Variants in CNGB3 observed in about 807,000 individuals in gnomAD.
CNGB3 encodes cyclic nucleotide gated channel subunit beta 3.
In CNGB3, 86 loss-of-function variants were observed where a neutral mutation model predicts 92.8. That is an observed-to-expected ratio of 0.93 (90% confidence interval 0.78 to 1.11). The LOEUF (loss-of-function observed/expected upper bound fraction) is 1.11, where lower values mean the gene tolerates loss of function less well. Among genes scored for constraint, CNGB3 ranks in the 50% least tolerant of loss-of-function variants. The probability of loss-of-function intolerance (pLI) is 0.00; values close to 1 mark genes in which losing one functional copy is unlikely to be tolerated. For missense variants in CNGB3, 1,026 were observed against 956.8 expected (o/e 1.07, Z -0.95); for synonymous variants, 333 against 332.7 (o/e 1.00, Z -0.01).
chr8:86,663,965 AT>A (rs1190099390), intron 6 of CNGB3, among the ~76,000 whole-genome samples: 1 of 152,060 alleles, frequency 6.6e-6, no homozygotes, highest in African/African-American at 2.4e-5. Flanking sequence ...TGATTTTGTC[AT>A]TTTCCATTTG....
At chr8:86,725,246 C>G (rs1003441034) in intron 3 of CNGB3, among the ~76,000 whole-genome samples, 24 of 152,082 alleles carry the variant, frequency 1.6e-4, no homozygotes, top group Admixed American at 8.5e-4. Context: ...TAAAAGTTCT[C>G]TTTGGGAATT....
At chr8:86,618,442 G>T (rs553842950) in intron 13 of CNGB3, among the ~76,000 whole-genome samples, 1 of 152,196 alleles carries the variant, frequency 6.6e-6, no homozygotes. Flanking sequence ...CTATATGCCA[G>T]GTACTGATAT....
intron 3 of CNGB3, among the ~76,000 whole-genome samples, chr8:86,679,949 G>C (rs765292438): frequency 6.6e-6 from 1 of 152,156 alleles, no homozygotes; most frequent in Non-Finnish European, 1.5e-5. Context: ...CATCTACGAG[G>C]AAGAGAGGCG....
chr8:86,612,452 G>A lies in CNGB3; in HGVS notation c.1579-781C>T, dbSNP rs3779803. 6.0e-4 allele frequency among the ~76,000 whole-genome samples: 91 copies of A among 152,196 alleles called. No homozygotes were observed. In the East Asian group the frequency reaches 0.011, roughly 18 times the overall value. The stretch of plus-strand genomic sequence containing the variant: ...GCTAACATGTAACAGCTTTCCTCTT[G>A]TGGGTGGTCCTGTCCACCCCTTGAG... On this transcript the variant is annotated intron_variant, in intron 13 of 17. Coordinates refer to ENST00000320005, the MANE Select transcript of CNGB3 (RefSeq NM_019098.5).
chr8:86,614,090 C>T (rs1455286289), intron 13 of CNGB3, among the ~76,000 whole-genome samples: 1 of 151,606 alleles, frequency 6.6e-6, no homozygotes, highest in Non-Finnish European at 1.5e-5. Flanking sequence ...GCCTTGGCAC[C>T]AATTTTGAAT....
chr8:86,630,237 G>T lies in CNGB3; in HGVS notation c.1321-1159C>A, dbSNP rs146311607. On this transcript the variant is annotated intron_variant, in intron 11 of 17. Transcript: ENST00000320005. ...TTCCTAGATCTCACTTTTCCATGCTGTTCTTGGCTGATAACTTACATTACC... is the reference window on the plus strand; with the variant it reads ...TTCCTAGATCTCACTTTTCCATGCTTTTCTTGGCTGATAACTTACATTACC... Among the ~76,000 whole-genome samples, 322 of 152,138 alleles carry T rather than the reference G, an allele frequency of 2.1e-3. 3 individuals are homozygous for T. The highest frequency in any genetic ancestry group is 7.2e-3 in the African/African-American group (300 of 41,452).
chr8:86,598,056 T>C lies in CNGB3; in HGVS notation c.1781+6037A>G, dbSNP rs113971167. Among the ~76,000 whole-genome samples the C allele has an allele frequency of 6.9e-3, 1,055 of 152,288 alleles. 15 individuals are homozygous for C. The highest frequency in any genetic ancestry group is 0.024 in the African/African-American group (1,009 of 41,564). ...AGAGCAAGGCGAGTCAGGTGCAACC[T>C]GAAGTAGAGAGGTAGGCAGGGGCTA... On this transcript the variant is annotated intron_variant, in intron 15 of 17. Transcript: ENST00000320005.
At chr8:86,687,195 G>C (rs183532253) in intron 3 of CNGB3, among the ~76,000 whole-genome samples, 13 of 152,108 alleles carry the variant, frequency 8.5e-5, no homozygotes, top group Admixed American at 6.6e-4. Context: ...AGATGGTTCA[G>C]TCATTAAACT....
At chr8:86,672,318 C>T (rs549010917) in intron 3 of CNGB3, among the ~76,000 whole-genome samples, 2 of 152,100 alleles carry the variant, frequency 1.3e-5, no homozygotes, top group East Asian at 1.9e-4. Context: ...AGGCTGGTCT[C>T]GAACTCCTGA....
In CNGB3 at chr8:86,709,538, G is replaced by A. The variant is rs572481267; in HGVS notation, c.338+16993C>T. Among the ~76,000 whole-genome samples, 10 of 152,276 alleles carry A rather than the reference G, an allele frequency of 6.6e-5. No homozygotes were observed. The South Asian group carries it at 1.7e-3, about 25-fold the overall frequency. ...CTAGGTAGAAGCAATTTACCTAGCTGATTGTTGGCATGAAAACGAGTTGTT... is the reference window on the plus strand; with the variant it reads ...CTAGGTAGAAGCAATTTACCTAGCTAATTGTTGGCATGAAAACGAGTTGTT... On this transcript the variant is annotated intron_variant, in intron 3 of 17. Coordinates refer to ENST00000320005, the MANE Select transcript of CNGB3 (RefSeq NM_019098.5).
chr8:86,676,327 T>C (rs1053896241), intron 3 of CNGB3, among the ~76,000 whole-genome samples: 1 of 152,086 alleles, frequency 6.6e-6, no homozygotes, highest in African/African-American at 2.4e-5. Flanking sequence ...GGACAGCACT[T>C]TGATAATATA....
At chr8:86,643,724 A>C in intron 10 of CNGB3, 27 bp downstream of exon 10, 1 of 1,600,620 alleles carries the variant, frequency 6.2e-7, no homozygotes, top group Non-Finnish European at 8.5e-7. Context: ...ATAATCAATA[A>C]AGGTTTCTTT....
rs183389223 is a variant in CNGB3, at chr8:86,598,823, G to A, written c.1781+5270C>T. 6.7e-3 allele frequency among the ~76,000 whole-genome samples: 1,023 copies of A among 152,080 alleles called. 2 individuals are homozygous for A. Among genetic ancestry groups the A allele is most frequent in the Non-Finnish European group, 8.7e-3 (592 of 67,952 alleles). The stretch of plus-strand genomic sequence containing the variant: ...CTTGGGGCCCTTCAAGATAATTCAG[G>A]ATGATCTCATCTTGAGATCCTTAAC... On this transcript the variant is annotated intron_variant, in intron 15 of 17. Coordinates refer to ENST00000320005, the MANE Select transcript of CNGB3 (RefSeq NM_019098.5).
At chr8:86,598,705 C>A (rs1372167645) in intron 15 of CNGB3, among the ~76,000 whole-genome samples, 1 of 152,100 alleles carries the variant, frequency 6.6e-6, no homozygotes, top group Non-Finnish European at 1.5e-5. Context: ...CAGTTTCTAC[C>A]CTCAGTCTTC....
intron 8 of CNGB3, among the ~76,000 whole-genome samples, chr8:86,647,291 G>A (rs1427365435): frequency 6.6e-6 from 1 of 150,790 alleles, no homozygotes; most frequent in Non-Finnish European, 1.5e-5. Context: ...AAGTATGTAA[G>A]TAAATGTGAT....
rs541947721 is a variant in CNGB3 at position 86,577,001 on chromosome 8, A to G, written c.2104-871T>C. On this transcript the variant is annotated intron_variant, in intron 17 of 17. Coordinates refer to ENST00000320005, the MANE Select transcript of CNGB3 (RefSeq NM_019098.5). The stretch of plus-strand genomic sequence containing the variant: ...CTTATTTTCTGAAAGGTCCACAGCT[A>G]CCCATTTCTACAGTTTTAGAGATAA... 1.1e-4 allele frequency among the ~76,000 whole-genome samples: 17 copies of G among 152,322 alleles called. No individual in the cohort carries two copies. The South Asian group carries it at 3.5e-3, about 32-fold the overall frequency.
intron 6 of CNGB3, chr8:86,660,638 T>G (rs181296891): frequency 4.3e-4 from 231 of 533,742 alleles, no homozygotes; most frequent in Admixed American, 2.1e-3. Flanking sequence ...TAAGATGGCA[T>G]TTATTTGCAT....
rs150897770 is a variant in CNGB3 at position 86,615,246 on chromosome 8, G to T, written c.1579-3575C>A. On this transcript the variant is annotated intron_variant, in intron 13 of 17. Coordinates refer to ENST00000320005, the MANE Select transcript of CNGB3 (RefSeq NM_019098.5). ...CTGAAAAAATTGGAAACAACGTACT[G>T]TCAATCTATGGGCAGATAAAATATT... Among the ~76,000 whole-genome samples, 855 of 152,180 alleles carry T rather than the reference G, an allele frequency of 5.6e-3. 7 individuals carry two copies. The highest frequency in any genetic ancestry group is 0.019 in the African/African-American group (798 of 41,524).
At position 86,593,838 on chromosome 8, in the gene CNGB3, T is replaced by C. The variant is rs796340574; in HGVS notation, c.1781+10255A>G. 4.0e-5 allele frequency: 39 copies of C among 968,900 alleles called. 1 individual carries two copies. The African/African-American group carries it at 5.2e-4, about 13-fold the overall frequency. The allele number at this position is 968,900 out of a possible 1,614,324, so 60.0% of individuals were successfully genotyped here. A position where few individuals can be genotyped will look rare whatever the true frequency, so the allele number is the denominator to read the frequency against. ...ACATCTGTCAGGTCAGGGAAGTTGG[T>C]CAAATTGAACTCCTGGACCCCGGGC... On this transcript the variant is annotated intron_variant, in intron 15 of 17. Coordinates refer to ENST00000320005, the MANE Select transcript of CNGB3 (RefSeq NM_019098.5).
Sources: allele counts gnomAD v4.1 joint callset (sites outside exome capture counted in the v4.1 genomes callset), GRCh38; gene constraint gnomAD v4.1.1; transcripts MANE v1.5; gene names NCBI Gene and HGNC (gene_info 2026-07-23, HGNC 2026-07-21).